RNF114: variants seen among roughly 807,000 people sequenced by gnomAD.
RNF114 encodes the protein E3 ubiquitin-protein ligase RNF114.
Under a neutral mutation model 28.4 loss-of-function variants are expected in RNF114, and 6 were observed. That is an observed-to-expected ratio of 0.21 (90% confidence interval 0.12 to 0.42). RNF114 has a LOEUF of 0.42. Among genes scored for constraint, RNF114 ranks in the 10% least tolerant of loss-of-function variants. The probability of loss-of-function intolerance (pLI) is 1.00; values close to 1 mark genes in which losing one functional copy is unlikely to be tolerated. For synonymous variants in RNF114, 115 were observed against 116.7 expected, an observed-to-expected ratio of 0.99 and a Z score of 0.09; for missense variants, 249 against 311.7, an observed-to-expected ratio of 0.80 and a Z score of 1.51.
intron 5 of RNF114, 44 bp downstream of exon 5, chr20:49,949,399 G>T (rs988619305): frequency 1.3e-6 from 2 of 1,492,904 alleles, no homozygotes; most frequent in Non-Finnish European, 9.3e-7. Context: ...TGGGGGAGTG[G>T]CACGGCTACT....
At chr20:49,945,174 T>A in intron 2 of RNF114, 1 of 491,804 alleles carries the variant, frequency 2.0e-6, no homozygotes. Flanking sequence ...GTGGATATCC[T>A]GATTTAGTCG....
Position 49,953,593 on chromosome 20 carries a change from C to T in RNF114, c.*1452C>T, listed in dbSNP as rs1293584693. 6.6e-6 allele frequency: 1 copy of T among 152,138 alleles called. No individual in the cohort carries two copies. The highest frequency in any genetic ancestry group is 1.5e-5 in the Non-Finnish European group (1 of 68,032). 9.4% of individuals were successfully genotyped at this position (152,138 alleles called of 1,614,324 possible). A position where few individuals can be genotyped will look rare whatever the true frequency, so the allele number is the denominator to read the frequency against. ...AAATAGTTTTTTCATTAGTATTTCTCGGGAGGACCCAAAAGTTAAGGTCAG... is the reference window on the plus strand; with the variant it reads ...AAATAGTTTTTTCATTAGTATTTCTTGGGAGGACCCAAAAGTTAAGGTCAG... On this transcript the variant is annotated 3_prime_UTR_variant, in exon 6 of 6. Coordinates refer to ENST00000244061, the MANE Select transcript of RNF114 (RefSeq NM_018683.4).
At position 49,952,151 on chromosome 20, in the gene RNF114, G is replaced by A. The variant is rs768023083; in HGVS notation, c.*10G>A. 5 of 1,611,258 alleles carry A rather than the reference G, an allele frequency of 3.1e-6. No homozygotes were observed. The highest frequency in any genetic ancestry group is 1.3e-5 in the African/African-American group (1 of 74,976). On this transcript the variant is annotated 3_prime_UTR_variant, in exon 6 of 6. Coordinates refer to ENST00000244061, the MANE Select transcript of RNF114 (RefSeq NM_018683.4). ...CATCATCGACCAGTGAGCAGAGTCC[G>A]TGCTTGCTATCTGTCTCATGTTACA...
intron 3 of RNF114, 57 bp downstream of exon 3, chr20:49,945,545 G>GATT: frequency 2.4e-6 from 1 of 408,668 alleles, no homozygotes; most frequent in Non-Finnish European, 4.2e-6. Context: ...AATACAAAGA[G>GATT]GTTGCATGCC....
intron 4 of RNF114, among the ~76,000 whole-genome samples, chr20:49,946,852 T>A (rs1203045183): frequency 3.3e-5 from 5 of 151,784 alleles, no homozygotes; most frequent in African/African-American, 1.2e-4. Context: ...GTGAAATTAT[T>A]AGGAAAAGGC....
At chr20:49,941,768 C>G (rs117615429) in intron 2 of RNF114, 57 bp downstream of exon 2, 18 of 1,568,326 alleles carry the variant, frequency 1.1e-5, no homozygotes, top group Non-Finnish European at 1.4e-5. Flanking sequence ...TGGGGTAAAA[C>G]GTACAGCTGC....
intron 4 of RNF114, among the ~76,000 whole-genome samples, chr20:49,948,398 C>T (rs1600871947): frequency 1.3e-5 from 2 of 151,030 alleles, no homozygotes; most frequent in African/African-American, 4.9e-5. Flanking sequence ...CTGGCCTTTT[C>T]TCCGTGCTGC....
intron 1 of RNF114, among the ~76,000 whole-genome samples, chr20:49,938,160 G>A (rs1397244081): frequency 6.6e-6 from 1 of 152,114 alleles, no homozygotes; most frequent in Non-Finnish European, 1.5e-5. Context: ...ACCTGATTTT[G>A]GATTAATTCA....
intron 4 of RNF114, among the ~76,000 whole-genome samples, chr20:49,947,684 C>T (rs2090338373): frequency 6.8e-6 from 1 of 146,566 alleles, no homozygotes; most frequent in Admixed American, 6.9e-5. Context: ...CCTTTGGCTT[C>T]TGAAATCCCT....
rs2090358331 is a variant in RNF114 at position 49,952,368 on chromosome 20, A to G, written c.*227A>G. The G allele has an allele frequency of 3.6e-6, 2 of 555,056 alleles. No individual in the cohort carries two copies. The highest frequency in any genetic ancestry group is 4.9e-5 in the South Asian group (2 of 41,118). The allele number at this position is 555,056 out of a possible 1,614,324, so 34.4% of individuals were successfully genotyped here. A position where few individuals can be genotyped will look rare whatever the true frequency, so the allele number is the denominator to read the frequency against. ...CCCTACTGTTAACCTTGTTTGTCAC[A>G]CGGTCGAGTTCGTATTGGTTCTCGG... On this transcript the variant is annotated 3_prime_UTR_variant, in exon 6 of 6. Coordinates refer to ENST00000244061, the MANE Select transcript of RNF114 (RefSeq NM_018683.4).
At chr20:49,951,952 AC>A in intron 5 of RNF114, 123 bp from the exon 6 acceptor site, 1 of 671,426 alleles carries the variant, frequency 1.5e-6, no homozygotes, top group Non-Finnish European at 2.8e-6. Flanking sequence ...AAACAGTTGC[AC>A]TGGGGATCCG....
intron 4 of RNF114, among the ~76,000 whole-genome samples, chr20:49,946,687 G>A (rs954378047): frequency 2.0e-5 from 3 of 151,968 alleles, no homozygotes; most frequent in Non-Finnish European, 2.9e-5. Context: ...GATGGTACAC[G>A]AGTTCTCTGT....
chr20:49,941,194 A>G (rs2090306465), intron 1 of RNF114: 1 of 173,708 alleles, frequency 5.8e-6, no homozygotes, highest in Non-Finnish European at 1.2e-5. Flanking sequence ...CTGCTATACA[A>G]ACTGTATCCT....
intron 2 of RNF114, 175 bp downstream of exon 2, chr20:49,941,886 T>C (rs1279020727): frequency 3.5e-6 from 2 of 564,234 alleles, no homozygotes; most frequent in Non-Finnish European, 5.9e-6. Flanking sequence ...CTTACTGGTT[T>C]TTGTTTCTTT....
At chr20:49,944,452 A>C (rs1378576220) in intron 2 of RNF114, 1 of 152,186 alleles carries the variant, frequency 6.6e-6, no homozygotes, top group Non-Finnish European at 1.5e-5. Flanking sequence ...GCCTCAGAAA[A>C]TGTTTTTCTT....
rs201222466 is a variant in RNF114, at chr20:49,950,691, A to C, written c.621+1336A>C. 3.1e-3 allele frequency among the ~76,000 whole-genome samples: 466 copies of C among 151,294 alleles called. 4 individuals carry two copies. Among genetic ancestry groups the C allele is most frequent in the Middle Eastern group, 0.014 (4 of 294 alleles). On this transcript the variant is annotated intron_variant, in intron 5 of 5. Transcript: ENST00000244061. ...GAATGAGACCCTGTCTCAAAAAAAA[A>C]AAAAAAAAACAAAACACACACACAC...
At chr20:49,947,769 G>GTTTTTTTTTTTTTTTTTTTTT (rs71190519) in intron 4 of RNF114, among the ~76,000 whole-genome samples, 3 of 50,478 alleles carry the variant, frequency 5.9e-5, no homozygotes, top group African/African-American at 1.7e-4. Flanking sequence ...CCCTCTGCAA[G>GTTTTTTTTTTTTTTTTTTTTT]TTTTTTTTTT....
intron 3 of RNF114, 141 bp from the exon 4 acceptor site, chr20:49,945,995 C>G (rs1335578162): frequency 1.9e-6 from 1 of 526,776 alleles, no homozygotes; most frequent in African/African-American, 2.0e-5. Context: ...CAACACTTGA[C>G]CTGAGTCTGA....
chr20:49,943,316 G>A (rs139695523), intron 2 of RNF114, among the ~76,000 whole-genome samples: 13 of 152,084 alleles, frequency 8.5e-5, no homozygotes, highest in Non-Finnish European at 1.9e-4. Flanking sequence ...GCAACATAGT[G>A]GGACTCTGTA....
Sources: allele counts gnomAD v4.1 joint callset (sites outside exome capture counted in the v4.1 genomes callset), GRCh38; gene constraint gnomAD v4.1.1; transcripts MANE v1.5; gene names NCBI Gene and HGNC (gene_info 2026-07-23, HGNC 2026-07-21).